Variants in SSH1 observed in about 807,000 individuals in gnomAD.
SSH1 encodes the protein protein phosphatase Slingshot homolog 1.
SSH1 carries 43 observed loss-of-function variants against 79.7 expected under a neutral mutation model. The ratio of observed to expected loss-of-function variants is 0.54; its 90% confidence interval spans 0.42 to 0.70. SSH1 has a LOEUF of 0.70. Ranked by LOEUF, SSH1 falls within the 30% of genes least tolerant of loss-of-function variation. SSH1 has a pLI of 0.00. For synonymous variants in SSH1, 599 were observed against 538.3 expected, an observed-to-expected ratio of 1.11 and a Z score of -1.56; for missense variants, 1,206 against 1,358.8, an observed-to-expected ratio of 0.89 and a Z score of 1.77.
intron 10 of SSH1, among the ~76,000 whole-genome samples, chr12:108,804,830 G>A (rs762821053): frequency 7.9e-5 from 12 of 152,128 alleles, no homozygotes; most frequent in Non-Finnish European, 1.5e-4. Context: ...ACAACTCCCC[G>A]CAGCTCAGCT....
intron 10 of SSH1, among the ~76,000 whole-genome samples, chr12:108,802,719 C>T (rs2037075315): frequency 6.6e-6 from 1 of 152,274 alleles, no homozygotes; most frequent in Non-Finnish European, 1.5e-5. Flanking sequence ...GACCTGCGAC[C>T]TCCCACCCAG....
chr12:108,827,488 C>G, intron 2 of SSH1: 1 of 1,298,030 alleles, frequency 7.7e-7, no homozygotes, highest in Non-Finnish European at 9.8e-7. Context: ...TCCTCAGAGT[C>G]CTACCCGAAA....
chr12:108,811,179 C>A, intron 6 of SSH1, 81 bp downstream of exon 6: 1 of 1,274,626 alleles, frequency 7.8e-7, no homozygotes, highest in South Asian at 1.2e-5. Context: ...TGCTAATGAT[C>A]ATCCAAGGAT....
chr12:108,810,287 C>T (rs997428359), intron 6 of SSH1, among the ~76,000 whole-genome samples: 2 of 151,640 alleles, frequency 1.3e-5, no homozygotes, highest in African/African-American at 2.4e-5. Flanking sequence ...TTTGGGAGGC[C>T]GAGGAGGGTG....
intron 10 of SSH1, among the ~76,000 whole-genome samples, chr12:108,804,374 C>G (rs1225385781): frequency 1.3e-4 from 20 of 152,248 alleles, no homozygotes; most frequent in Admixed American, 1.2e-3. Flanking sequence ...CACTAGGCCT[C>G]TCTAATTTTA....
chr12:108,809,580 T>C (rs2037471436), intron 7 of SSH1, 113 bp downstream of exon 7: 7 of 879,910 alleles, frequency 8.0e-6, no homozygotes, highest in South Asian at 1.3e-5. Flanking sequence ...ATTTTGCGCC[T>C]CCCTCAACAT....
At chr12:108,834,557 A>G (rs2038552051) in intron 2 of SSH1, among the ~76,000 whole-genome samples, 1 of 152,234 alleles carries the variant, frequency 6.6e-6, no homozygotes, top group Admixed American at 6.5e-5. Flanking sequence ...TCTTTGAATT[A>G]GTGGGTTCTG....
intron 13 of SSH1, among the ~76,000 whole-genome samples, chr12:108,793,474 A>G (rs1330839271): frequency 6.7e-6 from 1 of 150,170 alleles, no homozygotes; most frequent in African/African-American, 2.5e-5. Flanking sequence ...GGTTCACAGC[A>G]GCCTCAAACT....
In SSH1 at chr12:108,778,356, A is replaced by G. The variant is rs973907191; in HGVS notation, c.*9632T>C. 2 of 152,148 alleles carry G rather than the reference A, an allele frequency of 1.3e-5. No homozygotes were observed. Among genetic ancestry groups the G allele is most frequent in the African/African-American group, 4.8e-5 (2 of 41,424 alleles). 9.4% of individuals were successfully genotyped at this position (152,148 alleles called of 1,614,324 possible). ...GCATCTACTGCCCTCTAAGCATTGC[A>G]CACATGCATTAGGGACTATTTTCCT... On this transcript the variant is annotated 3_prime_UTR_variant, in exon 15 of 15. Transcript: ENST00000326495.
chr12:108,835,936 T>TATAACTATATTAATATAATCG (rs1255217325), intron 2 of SSH1, among the ~76,000 whole-genome samples: 9 of 117,074 alleles, frequency 7.7e-5, no homozygotes, highest in African/African-American at 2.3e-4. Context: ...TATAATCAAT[T>TATAACTATATTAATATAATCG]ATAACTATAT....
In SSH1 at chr12:108,787,764, C is replaced by T. The variant is rs967887766; in HGVS notation, c.*224G>A. ...GCGGAGTTTTGTGTCTCCTGGCCGG[C>T]GGCTCCTGGTTCTCCCAGGCCACAC... is the stretch of plus-strand genomic sequence containing the variant. On this transcript the variant is annotated 3_prime_UTR_variant, in exon 15 of 15. Transcript: ENST00000326495. 1.7e-5 allele frequency: 10 copies of T among 599,308 alleles called. No homozygotes were observed. The highest frequency in any genetic ancestry group is 4.4e-4 in the Middle Eastern group (1 of 2,252). The allele number at this position is 599,308 out of a possible 1,614,324, so 37.1% of individuals were successfully genotyped here. A position where few individuals can be genotyped will look rare whatever the true frequency, so the allele number is the denominator to read the frequency against.
intron 14 of SSH1, among the ~76,000 whole-genome samples, chr12:108,791,754 C>CTA (rs1387214281): frequency 3.9e-5 from 6 of 152,024 alleles, no homozygotes; most frequent in African/African-American, 7.3e-5. Context: ...GAGAACTTGT[C>CTA]TATAGTATGT....
chr12:108,831,231 A>G (rs537116983), intron 2 of SSH1, among the ~76,000 whole-genome samples: 4 of 152,304 alleles, frequency 2.6e-5, no homozygotes, highest in South Asian at 2.1e-4. Flanking sequence ...CTAACCCTCA[A>G]TGGTACCCCA....
chr12:108,850,782 A>C (rs370963284), intron 2 of SSH1, among the ~76,000 whole-genome samples: 5 of 84,436 alleles, frequency 5.9e-5, no homozygotes, highest in East Asian at 8.4e-4. Flanking sequence ...ACCTGGAGGG[A>C]GGGATCTGGG....
rs1489102249 is a variant in SSH1, at chr12:108,789,127, G to C, written c.2011C>G (p.Pro671Ala). ...PEASRERCED[P>A]NAPAICTQPA... is the part of the protein sequence containing the mutation. ...TGGGTGCAGATGGCGGGAGCATTGG[G>C]GTCCTCACATCGCTCCCTGGAGGCC... Residue 671 changes from proline (P) to alanine (A), a missense_variant, in exon 15 of 15, where the codon CCC becomes GCC. Physicochemically the swap from Pro to Ala is conservative, Grantham distance 27. Coordinates refer to ENST00000326495, the MANE Select transcript of SSH1 (RefSeq NM_018984.4). 1 of 1,613,916 alleles carries C rather than the reference G, an allele frequency of 6.2e-7. No homozygotes were observed. Among genetic ancestry groups the C allele is most frequent in the South Asian group, 1.1e-5 (1 of 91,062 alleles).
intron 5 of SSH1, among the ~76,000 whole-genome samples, chr12:108,813,060 C>T (rs567361600): frequency 6.6e-6 from 1 of 152,086 alleles, no homozygotes; most frequent in Admixed American, 6.5e-5. Flanking sequence ...CAGATAAGGC[C>T]CCACTATATT....
intron 4 of SSH1, 71 bp downstream of exon 4, chr12:108,818,178 A>G: frequency 1.6e-6 from 2 of 1,284,980 alleles, no homozygotes; most frequent in Non-Finnish European, 2.3e-6. Context: ...AGCCTGGGCA[A>G]CAGAGCAAGA....
At chr12:108,811,642 T>A (rs147620025) in intron 5 of SSH1, 3 of 432,148 alleles carry the variant, frequency 6.9e-6, no homozygotes. Flanking sequence ...TGGGGGTACA[T>A]AGGCAAGCAC....
intron 13 of SSH1, among the ~76,000 whole-genome samples, chr12:108,793,549 C>G (rs945213875): frequency 6.6e-6 from 1 of 151,852 alleles, no homozygotes; most frequent in African/African-American, 2.4e-5. Context: ...TGACACCATC[C>G]CTGGCTAATT....
Sources: gnomAD v4.1 joint callset for allele counts (sites outside exome capture counted in the v4.1 genomes callset) on GRCh38, gnomAD v4.1.1 for gene constraint, MANE v1.5 for transcripts, NCBI Gene and HGNC (gene_info 2026-07-23, HGNC 2026-07-21) for gene names.